Variants in SPOP observed in about 807,000 individuals in gnomAD.
SPOP encodes speckle-type POZ protein.
Under a neutral mutation model 45.6 loss-of-function variants are expected in SPOP, and 11 were observed. That is an observed-to-expected ratio of 0.24 (90% confidence interval 0.15 to 0.40). The LOEUF (loss-of-function observed/expected upper bound fraction) is 0.40, where lower values mean the gene tolerates loss of function less well. Among genes scored for constraint, SPOP ranks in the 10% least tolerant of loss-of-function variants. The pLI is 1.00. For synonymous variants in SPOP, 166 were observed against 166.3 expected, an observed-to-expected ratio of 1.00 and a Z score of 0.01; for missense variants, 152 against 465.6, an observed-to-expected ratio of 0.33 and a Z score of 6.20.
At chr17:49,644,752 A>G (rs542651916) in intron 1 of SPOP, among the ~76,000 whole-genome samples, 11 of 152,192 alleles carry the variant, frequency 7.2e-5, no homozygotes, top group Non-Finnish European at 1.2e-4. Flanking sequence ...ATATGCACAT[A>G]TATACTCACA....
chr17:49,605,666 G>C (rs1449153281), intron 8 of SPOP, among the ~76,000 whole-genome samples: 1 of 150,700 alleles, frequency 6.6e-6, no homozygotes. Flanking sequence ...CTCCAGCCTG[G>C]GCAACAGAAT....
rs747676565 is a variant in SPOP, at chr17:49,622,763, G to T, written c.48C>A (p.Gly16=). 1.9e-6 allele frequency: 3 copies of T among 1,614,140 alleles called. No homozygotes were observed. Among genetic ancestry groups the T allele is most frequent in the Non-Finnish European group, 2.5e-6 (3 of 1,179,998 alleles). The change falls in exon 2 of 10, where the codon GGC becomes GGA. Residue 16 remains glycine, a synonymous_variant. Transcript: ENST00000504102. ...TGTAGCACCAACTCTCAGCTACGGG[G>T]CCACTCGACATTTCTGCCGGAGGTG... ...SPPPPAEMSS[G]PVAESWCYTQ... is the part of the protein sequence containing the mutation.
chr17:49,622,191 T>C, intron 2 of SPOP, 124 bp from the exon 3 acceptor site: 1 of 1,283,314 alleles, frequency 7.8e-7, no homozygotes, highest in Non-Finnish European at 1.1e-6. Flanking sequence ...ATAGCAGTTT[T>C]CAGGTTTTTC....
chr17:49,665,828 A>G (rs776535403), intron 1 of SPOP, among the ~76,000 whole-genome samples: 4 of 150,254 alleles, frequency 2.7e-5, no homozygotes, highest in Non-Finnish European at 4.4e-5. Flanking sequence ...TAATAAAAAT[A>G]CAAAAATTAG....
intron 8 of SPOP, among the ~76,000 whole-genome samples, chr17:49,604,768 C>T (rs1176408855): frequency 6.6e-6 from 1 of 152,204 alleles, no homozygotes; most frequent in Non-Finnish European, 1.5e-5. Flanking sequence ...TTTCCACAGA[C>T]CGCAGGGCCT....
At chr17:49,644,036 G>T (rs1953366895) in intron 1 of SPOP, among the ~76,000 whole-genome samples, 1 of 151,358 alleles carries the variant, frequency 6.6e-6, no homozygotes, top group South Asian at 2.1e-4. Context: ...TTAAAAAACA[G>T]TTAATAACAT....
intron 1 of SPOP, among the ~76,000 whole-genome samples, chr17:49,657,385 C>T (rs539660251): frequency 2.0e-4 from 30 of 152,110 alleles, no homozygotes; most frequent in African/African-American, 3.6e-4. Flanking sequence ...TTATGTACAA[C>T]GATGTTCATC....
intron 1 of SPOP, among the ~76,000 whole-genome samples, chr17:49,648,902 C>T (rs1462160580): frequency 6.6e-6 from 1 of 152,012 alleles, no homozygotes; most frequent in African/African-American, 2.4e-5. Context: ...GGACTACAGG[C>T]GCCCGCCACC....
intron 1 of SPOP, among the ~76,000 whole-genome samples, chr17:49,669,843 C>T (rs181657331): frequency 6.6e-6 from 1 of 150,634 alleles, no homozygotes; most frequent in Admixed American, 6.6e-5. Flanking sequence ...CAGAAAATTT[C>T]TACATGGTTA....
In SPOP at chr17:49,622,766, A is replaced by G. The variant is rs375966583; in HGVS notation, c.45T>C (p.Ser15=). 1.8e-5 allele frequency: 29 copies of G among 1,613,998 alleles called. No individual in the cohort carries two copies. In the African/African-American group the frequency reaches 3.5e-4, roughly 19 times the overall value. Reference sequence around the variant, plus strand: ...AGCACCAACTCTCAGCTACGGGGCCACTCGACATTTCTGCCGGAGGTGGAG... The same window carrying G: ...AGCACCAACTCTCAGCTACGGGGCCGCTCGACATTTCTGCCGGAGGTGGAG... ...PSPPPPAEMS[S]GPVAESWCYT... Residue 15 remains serine (S), a synonymous_variant, in exon 2 of 10, where the codon AGT becomes AGC. Coordinates refer to ENST00000504102, the MANE Select transcript of SPOP (RefSeq NM_001007228.2).
chr17:49,655,807 G>T (rs986859668), intron 1 of SPOP, among the ~76,000 whole-genome samples: 2 of 151,940 alleles, frequency 1.3e-5, no homozygotes, highest in African/African-American at 2.4e-5. Context: ...AATAATTTTC[G>T]AATGAAAAAA....
intron 6 of SPOP, among the ~76,000 whole-genome samples, chr17:49,608,906 T>C (rs902229785): frequency 1.8e-4 from 27 of 151,884 alleles, no homozygotes; most frequent in Admixed American, 1.6e-3. Context: ...CTGCCATTTT[T>C]TTTTTTTTCT....
intron 5 of SPOP, among the ~76,000 whole-genome samples, chr17:49,615,071 C>A (rs2072056007): frequency 6.6e-6 from 1 of 152,060 alleles, no homozygotes; most frequent in Non-Finnish European, 1.5e-5. Flanking sequence ...GTTGCCCAGG[C>A]TGGTCTCGAA....
intron 9 of SPOP, 192 bp downstream of exon 9, chr17:49,601,671 CTT>C (rs1156802057): frequency 1.6e-6 from 1 of 633,728 alleles, no homozygotes; most frequent in Non-Finnish European, 2.6e-6. Flanking sequence ...AAGTAAAACA[CTT>C]TACTCACCAA....
chr17:49,604,322 A>G lies in SPOP; in HGVS notation c.838-2315T>C, dbSNP rs183451562. On this transcript the variant is annotated intron_variant, in intron 8 of 9. Coordinates refer to ENST00000504102, the MANE Select transcript of SPOP (RefSeq NM_001007228.2). ...ATTTTCACATTGCTTCATTGTACTCATAAAGTCTTGAAAAGTGACAAGAAA... is the reference window on the plus strand; with the variant it reads ...ATTTTCACATTGCTTCATTGTACTCGTAAAGTCTTGAAAAGTGACAAGAAA... Among the ~76,000 whole-genome samples the G allele has an allele frequency of 3.5e-4, 54 of 152,350 alleles. No individual in the cohort carries two copies. In the East Asian group the frequency reaches 8.5e-3, roughly 24 times the overall value.
intron 1 of SPOP, among the ~76,000 whole-genome samples, chr17:49,634,752 A>T (rs2072512923): frequency 6.6e-6 from 1 of 152,228 alleles, no homozygotes; most frequent in African/African-American, 2.4e-5. Context: ...CAAGCCATTT[A>T]AAAATATTTC....
intron 1 of SPOP, chr17:49,636,342 GT>G (rs1209366101): frequency 6.6e-6 from 1 of 151,980 alleles, no homozygotes; most frequent in Non-Finnish European, 1.5e-5. Flanking sequence ...TGACTCTAAG[GT>G]TTCCGTATCA....
chr17:49,670,778 C>CCT (rs1483613125), intron 1 of SPOP, among the ~76,000 whole-genome samples: 1 of 152,114 alleles, frequency 6.6e-6, no homozygotes, highest in Non-Finnish European at 1.5e-5. Context: ...TGAGTTAAGA[C>CCT]AGCTAGATAT....
chr17:49,655,380 G>A (rs536067179), intron 1 of SPOP, among the ~76,000 whole-genome samples: 15 of 151,864 alleles, frequency 9.9e-5, no homozygotes, highest in African/African-American at 3.4e-4. Context: ...GCGTGGTGGC[G>A]GGCACCTGTA....
Sources: gnomAD v4.1 joint callset for allele counts (sites outside exome capture counted in the v4.1 genomes callset) on GRCh38, gnomAD v4.1.1 for gene constraint, MANE v1.5 for transcripts, NCBI Gene and HGNC (gene_info 2026-07-23, HGNC 2026-07-21) for gene names.